The following WDFY3 variants were observed in gnomAD, a reference collection of about 807,000 sequenced individuals.
The protein encoded by WDFY3 is WD repeat and FYVE domain containing 3.
WDFY3 carries 66 observed loss-of-function variants against 409.6 expected under a neutral mutation model. That is an observed-to-expected ratio of 0.16 (90% CI 0.13 to 0.20). The LOEUF (loss-of-function observed/expected upper bound fraction) is 0.20. Among genes scored for constraint, WDFY3 ranks in the 10% least tolerant of loss-of-function variants. The pLI, the probability that WDFY3 is intolerant of heterozygous loss-of-function variation, is 1.00. For synonymous variants in WDFY3, 1,521 were observed against 1,537.1 expected (o/e 0.99, Z 0.25); for missense variants, 3,031 against 4,298.1 (o/e 0.71, Z 8.24).
At chr4:84,711,622 G>A (rs1027271513) in intron 51 of WDFY3, among the ~76,000 whole-genome samples, 2 of 152,096 alleles carry the variant, frequency 1.3e-5, no homozygotes, top group Non-Finnish European at 2.9e-5. Context: ...GGAGGCCGAG[G>A]AGGGCGGATC....
chr4:84,773,032 G>A, intron 29 of WDFY3, 103 bp from the exon 30 acceptor site: 3 of 770,998 alleles, frequency 3.9e-6, no homozygotes, highest in East Asian at 3.7e-5. Flanking sequence ...AACCAAAACA[G>A]TACTTTTTTT....
At chr4:84,770,033 CTT>C (rs1365018352) in intron 30 of WDFY3, among the ~76,000 whole-genome samples, 3 of 145,828 alleles carry the variant, frequency 2.1e-5, no homozygotes, top group Non-Finnish European at 3.0e-5. Context: ...GAGTTATATA[CTT>C]TTTTTTTTTT....
intron 3 of WDFY3, among the ~76,000 whole-genome samples, chr4:84,893,602 ATC>A (rs1765214434): frequency 6.6e-6 from 1 of 152,202 alleles, no homozygotes; most frequent in Admixed American, 6.5e-5. Context: ...AAATTTCTCA[ATC>A]TCTACATTTT....
chr4:84,683,568 T>G (rs940332070), intron 63 of WDFY3, among the ~76,000 whole-genome samples: 1 of 152,242 alleles, frequency 6.6e-6, no homozygotes, highest in South Asian at 2.1e-4. Context: ...TGTGATTCTC[T>G]GTAGGGAAGA....
At chr4:84,737,149 A>C in intron 41 of WDFY3, 35 bp downstream of exon 41, 2 of 1,612,444 alleles carry the variant, frequency 1.2e-6, no homozygotes, top group Non-Finnish European at 1.7e-6. Flanking sequence ...AGCCACATGT[A>C]AATCTCCTGG....
At chr4:84,691,813 A>T (rs1729310161) in intron 59 of WDFY3, 28 bp from the exon 60 acceptor site, 1 of 1,565,862 alleles carries the variant, frequency 6.4e-7, no homozygotes, top group Non-Finnish European at 8.7e-7. Context: ...TGGTATTAGG[A>T]CAGGAACAGG....
chr4:84,892,642 T>C (rs1391986368), intron 3 of WDFY3, among the ~76,000 whole-genome samples: 2 of 152,212 alleles, frequency 1.3e-5, no homozygotes, highest in Admixed American at 6.5e-5. Flanking sequence ...GCCTATTGTT[T>C]GCTGAATAAT....
chr4:84,894,557 C>T (rs1765362628), intron 3 of WDFY3, among the ~76,000 whole-genome samples: 1 of 152,024 alleles, frequency 6.6e-6, no homozygotes, highest in Non-Finnish European at 1.5e-5. Flanking sequence ...GAGGGCGAGG[C>T]AGGTGGATCA....
chr4:84,689,129 G>A (rs550672982), intron 61 of WDFY3, among the ~76,000 whole-genome samples: 5 of 152,312 alleles, frequency 3.3e-5, no homozygotes, highest in Non-Finnish European at 5.9e-5. Flanking sequence ...AAAGCCTTGG[G>A]TGTAAATCAG....
chr4:84,714,502 T>C (rs1733505232), intron 50 of WDFY3, among the ~76,000 whole-genome samples: 1 of 152,244 alleles, frequency 6.6e-6, no homozygotes, highest in African/African-American at 2.4e-5. Flanking sequence ...TTAGCTATAC[T>C]ACTTTTTCAA....
At chr4:84,756,837 G>A (rs1490021151) in intron 33 of WDFY3, 89 bp downstream of exon 33, 1 of 1,304,648 alleles carries the variant, frequency 7.7e-7, no homozygotes, top group Non-Finnish European at 1.1e-6. Flanking sequence ...TGATGGAATT[G>A]ACAGTTGGTT....
intron 3 of WDFY3, among the ~76,000 whole-genome samples, chr4:84,891,161 G>GTA (rs1764897516): frequency 6.6e-6 from 1 of 152,156 alleles, no homozygotes; most frequent in Admixed American, 6.5e-5. Flanking sequence ...CAGTGTTGAG[G>GTA]TATACCACTG....
rs775937378 is a variant in WDFY3, at chr4:84,794,531, G to A, written c.3475C>T (p.Leu1159Phe). 2 of 1,613,226 alleles carry A rather than the reference G, an allele frequency of 1.2e-6. No individual in the cohort carries two copies. The highest frequency in any genetic ancestry group is 1.3e-5 in the African/African-American group (1 of 74,886). ...AAAAAATACTGACCATAATTTTGGA[G>A]GAGTTCCTCTTTGGTGGAAACAATC... ...SLIVSTKEEL[L>F]QNYVDDFSEE... Residue 1159 changes from leucine to phenylalanine, a missense_variant, in exon 21 of 68, where the codon CTC becomes TTC. Leu to Phe is a conservative substitution (Grantham distance 22). Around this residue, in one of 16 missense-constraint regions of WDFY3, gnomAD observed 1,322 missense variants for 1,697.9 expected, o/e 0.78. Coordinates refer to ENST00000295888, the MANE Select transcript of WDFY3 (RefSeq NM_014991.6).
At chr4:84,679,623 C>T (rs936971682) in intron 64 of WDFY3, among the ~76,000 whole-genome samples, 4 of 152,000 alleles carry the variant, frequency 2.6e-5, no homozygotes, top group African/African-American at 4.8e-5. Flanking sequence ...CTGCTGGTGC[C>T]GCCTAGACCC....
intron 35 of WDFY3, among the ~76,000 whole-genome samples, chr4:84,752,311 C>T (rs1387818914): frequency 1.3e-5 from 2 of 152,068 alleles, no homozygotes; most frequent in East Asian, 1.9e-4. Context: ...ATCAGGAGTT[C>T]GAGACTAGCC....
intron 4 of WDFY3, among the ~76,000 whole-genome samples, chr4:84,859,237 T>C (rs1287741507): frequency 1.3e-5 from 2 of 152,196 alleles, no homozygotes; most frequent in Non-Finnish European, 2.9e-5. Flanking sequence ...TTTAAATTTA[T>C]ATCACTGTCA....
intron 1 of WDFY3, among the ~76,000 whole-genome samples, chr4:84,962,941 T>G (rs1198740733): frequency 6.6e-6 from 1 of 152,090 alleles, no homozygotes; most frequent in African/African-American, 2.4e-5. Flanking sequence ...CCCAAAGTGC[T>G]GGGATTACAG....
At chr4:84,735,212 T>C in intron 42 of WDFY3, 92 bp from the exon 43 acceptor site, 1 of 1,191,904 alleles carries the variant, frequency 8.4e-7, no homozygotes, top group Non-Finnish European at 1.2e-6. Flanking sequence ...AATAATTGGT[T>C]AAAATTCTGC....
intron 2 of WDFY3, among the ~76,000 whole-genome samples, chr4:84,926,274 A>G (rs1228057500): frequency 6.6e-6 from 1 of 151,358 alleles, no homozygotes; most frequent in Non-Finnish European, 1.5e-5. Flanking sequence ...TAATAAATCA[A>G]AAGTCTATAG....
Sources: allele counts gnomAD v4.1 joint callset (sites outside exome capture counted in the v4.1 genomes callset), GRCh38; gene constraint gnomAD v4.1.1; regional missense constraint gnomAD v4.1.1; transcripts MANE v1.5; gene names NCBI Gene and HGNC (gene_info 2026-07-23, HGNC 2026-07-21).